Variants in PCDHGA4 observed in about 807,000 individuals in gnomAD.
PCDHGA4 encodes protocadherin gamma-A4.
Under a neutral mutation model 54.6 loss-of-function variants are expected in PCDHGA4, and 38 were observed. That is an observed-to-expected ratio of 0.70 (90% CI 0.54 to 0.91). PCDHGA4 has a LOEUF of 0.91. PCDHGA4 is among the 40% of genes least tolerant of loss of function. The pLI is 0.00. For synonymous variants in PCDHGA4, 511 were observed against 512.9 expected (o/e 1.00, Z 0.05); for missense variants, 1,298 against 1,220.9 (o/e 1.06, Z -0.94).
At chr5:141,365,845 A>T in intron 1 of PCDHGA4, 2 of 1,613,920 alleles carry the variant, frequency 1.2e-6, no homozygotes, top group Non-Finnish European at 1.7e-6. Flanking sequence ...CCTCCTATGT[A>T]TCCATTAACT....
chr5:141,370,845 A>T, intron 1 of PCDHGA4: 1 of 1,614,066 alleles, frequency 6.2e-7, no homozygotes, highest in South Asian at 1.1e-5. Flanking sequence ...CACTGGAGCC[A>T]CATTTGCCCT....
chr5:141,432,416 C>T lies in PCDHGA4; in HGVS notation c.2515-62391C>T. 4 of 1,614,258 alleles carry T rather than the reference C, an allele frequency of 2.5e-6. No individual in the cohort carries two copies. Among genetic ancestry groups the T allele is most frequent in the Non-Finnish European group, 3.4e-6 (4 of 1,180,048 alleles). ...CAACGTGTCGTTGAGCCTGTTCGTG[C>T]TGGACCAGAACGACAATGCGCCCGA... On this transcript the variant is annotated intron_variant, in intron 1 of 3. Coordinates refer to ENST00000571252, the MANE Select transcript of PCDHGA4 (RefSeq NM_018917.4). The surrounding 1 kb of genome is among the most constrained non-coding windows in gnomAD (Gnocchi z 6.0).
In PCDHGA4 at chr5:141,478,732, T is replaced by C. The variant is rs772167680; in HGVS notation, c.2515-16075T>C. 7.2e-6 allele frequency: 11 copies of C among 1,537,428 alleles called. No homozygotes were observed. In the South Asian group the frequency reaches 1.2e-4, roughly 17 times the overall value. On this transcript the variant is annotated intron_variant, in intron 1 of 3. Transcript: ENST00000571252. ...GAGATGGTGGCCTGCCAGAGTGTGG[T>C]TTGTGGTCCCATTTCAGGGGGAAGA...
intron 1 of PCDHGA4, chr5:141,430,525 G>C (rs1354801907): frequency 3.3e-5 from 12 of 365,842 alleles, no homozygotes; most frequent in Admixed American, 1.3e-4. Context: ...GCAGTAATTG[G>C]TTAGGACTCT....
At chr5:141,417,781 G>C in intron 1 of PCDHGA4, 1 of 1,473,574 alleles carries the variant, frequency 6.8e-7, no homozygotes. Flanking sequence ...CCTGTCCTGG[G>C]CCGAATGCTC....
chr5:141,360,715 T>A (rs774393413), intron 1 of PCDHGA4: 4 of 1,613,776 alleles, frequency 2.5e-6, no homozygotes, highest in Non-Finnish European at 3.4e-6. Context: ...ATATCCTGAG[T>A]TGATTCTAAA....
Position 141,427,512 on chromosome 5 carries a change from T to A in PCDHGA4, c.2515-67295T>A, listed in dbSNP as rs1483922394. ...GCTTGTAACAGATGGGACCCTGGATTGGGAGCGGATCCCGGAGTACAACGT... is the reference window on the plus strand; with the variant it reads ...GCTTGTAACAGATGGGACCCTGGATAGGGAGCGGATCCCGGAGTACAACGT... On this transcript the variant is annotated intron_variant, in intron 1 of 3. Transcript: ENST00000571252. 1.2e-5 allele frequency: 7 copies of A among 592,748 alleles called. No homozygotes were observed. The Admixed American group carries it at 1.3e-4, about 11-fold the overall frequency. 36.7% of individuals were successfully genotyped at this position (592,748 alleles called of 1,614,324 possible). A position where few individuals can be genotyped will look rare whatever the true frequency, so the allele number is the denominator to read the frequency against.
intron 1 of PCDHGA4, chr5:141,366,144 C>A: frequency 6.2e-7 from 1 of 1,614,182 alleles, no homozygotes; most frequent in South Asian, 1.1e-5. Flanking sequence ...GCCTGGCTGT[C>A]CTACCGCCTG....
intron 1 of PCDHGA4, chr5:141,422,541 T>G: frequency 6.2e-7 from 1 of 1,613,992 alleles, no homozygotes; most frequent in Non-Finnish European, 8.5e-7. Context: ...CAGAAACTCA[T>G]GTCTGGCTGA....
At chr5:141,380,894 AT>A (rs1776829006) in intron 1 of PCDHGA4, among the ~76,000 whole-genome samples, 1 of 152,262 alleles carries the variant, frequency 6.6e-6, no homozygotes, top group Admixed American at 6.5e-5. Context: ...TTGTTTGAAA[AT>A]ATCTACAAGT....
chr5:141,432,235 T>C lies in PCDHGA4; in HGVS notation c.2515-62572T>C, dbSNP rs1240828849. 1 of 1,614,102 alleles carries C rather than the reference T, an allele frequency of 6.2e-7. No individual in the cohort carries two copies. The highest frequency in any genetic ancestry group is 8.5e-7 in the Non-Finnish European group (1 of 1,180,050). ...ACGCCCAGATCACTTATTCCCTGGC[T>C]GAGAACACCATCCAAGGGGCAAGCC... On this transcript the variant is annotated intron_variant, in intron 1 of 3. Transcript: ENST00000571252. The surrounding 1 kb of genome is among the most constrained non-coding windows in gnomAD (Gnocchi z 6.0).
intron 1 of PCDHGA4, among the ~76,000 whole-genome samples, chr5:141,386,454 C>T (rs1377987276): frequency 6.6e-6 from 1 of 152,064 alleles, no homozygotes; most frequent in South Asian, 2.1e-4. Flanking sequence ...GGCAAGAGGA[C>T]AGCTTGAACC....
chr5:141,490,181 G>T lies in PCDHGA4; in HGVS notation c.2515-4626G>T, dbSNP rs755899660. ...GGTCCCATAGACTTTGAGGAGTCAC[G>T]TTTCTATGAAATTCATGCAAGAGCC... is the stretch of plus-strand genomic sequence containing the variant. On this transcript the variant is annotated intron_variant, in intron 1 of 3. Coordinates refer to ENST00000571252, the MANE Select transcript of PCDHGA4 (RefSeq NM_018917.4). The surrounding 1 kb of genome is among the most constrained non-coding windows in gnomAD (Gnocchi z 5.4). The T allele has an allele frequency of 6.2e-7, 1 of 1,614,200 alleles. No individual in the cohort carries two copies. The highest frequency in any genetic ancestry group is 8.5e-7 in the Non-Finnish European group (1 of 1,180,030).
chr5:141,470,738 C>T lies in PCDHGA4; in HGVS notation c.2515-24069C>T, dbSNP rs117476356. On this transcript the variant is annotated intron_variant, in intron 1 of 3. Transcript: ENST00000571252. ...TTTGAGTCAGGGTCTTGCTCTGTCG[C>T]CCTGGCTGGAGTGCAGTGGACTCAC... Among the ~76,000 whole-genome samples the T allele has an allele frequency of 1.9e-3, 295 of 152,226 alleles. 7 individuals carry two copies. In the East Asian group the frequency reaches 0.046, roughly 24 times the overall value.
intron 1 of PCDHGA4, among the ~76,000 whole-genome samples, chr5:141,406,591 A>T (rs559975786): frequency 6.6e-6 from 1 of 152,164 alleles, no homozygotes; most frequent in African/African-American, 2.4e-5. Flanking sequence ...TTTCCCTTTA[A>T]TGGTGAAAGT....
intron 1 of PCDHGA4, chr5:141,409,924 C>A (rs760490649): frequency 6.2e-7 from 1 of 1,613,416 alleles, no homozygotes; most frequent in Admixed American, 1.7e-5. Flanking sequence ...GCTCCGCGTT[C>A]TTCGATATGG....
At chr5:141,473,501 G>A (rs1053399138) in intron 1 of PCDHGA4, among the ~76,000 whole-genome samples, 2 of 152,188 alleles carry the variant, frequency 1.3e-5, no homozygotes, top group South Asian at 4.1e-4. Context: ...GGTGTTCTGA[G>A]AGAGCATAAC....
intron 1 of PCDHGA4, chr5:141,394,859 C>T: frequency 6.2e-7 from 1 of 1,613,758 alleles, no homozygotes; most frequent in Non-Finnish European, 8.5e-7. Context: ...AGCCTTCGGT[C>T]GACCCGAACG....
chr5:141,356,922 T>A lies in PCDHGA4; in HGVS notation c.1815T>A (p.Gly605=). ...YPTFPTDGST[G]VELAPRSADS... is the part of the protein sequence containing the mutation. ...CCTTCCCTACTGATGGCTCCACTGG[T>A]GTGGAGCTGGCACCCCGCTCCGCAG... Residue 605 remains glycine, a synonymous_variant, in exon 1 of 4, where the codon GGT becomes GGA. Transcript: ENST00000571252. 6.2e-7 allele frequency: 1 copy of A among 1,613,632 alleles called. No individual in the cohort carries two copies. The highest frequency in any genetic ancestry group is 8.5e-7 in the Non-Finnish European group (1 of 1,179,560).
Sources: allele counts gnomAD v4.1 joint callset (sites outside exome capture counted in the v4.1 genomes callset), GRCh38; gene constraint gnomAD v4.1.1; non-coding constraint Gnocchi (gnomAD v3.1); transcripts MANE v1.5; gene names NCBI Gene and HGNC (gene_info 2026-07-23, HGNC 2026-07-21).